Variants in ARSF observed in about 807,000 individuals in gnomAD.
The protein encoded by ARSF is arylsulfatase F.
In ARSF, 33 loss-of-function variants were observed where a neutral mutation model predicts 35.4. The observed-to-expected ratio is 0.93, with a 90% CI of 0.71 to 1.25. The LOEUF is 1.25. Among genes scored for constraint, ARSF ranks in the 50% most tolerant of loss-of-function variants. The pLI is 0.00. For missense variants in ARSF, 501 were observed against 480.2 expected (o/e 1.04, Z -0.40); for synonymous variants, 222 against 193.1 (o/e 1.15, Z -1.24).
chrX:3,112,545 G>C lies in ARSF; in HGVS notation c.1762G>C (p.Glu588Gln). ...AGTCTCTCAGCCTCGGGGTCCTAACGAGAAGAGATAATTACAATCAGGCTA... is the reference window on the plus strand; with the variant it reads ...AGTCTCTCAGCCTCGGGGTCCTAACCAGAAGAGATAATTACAATCAGGCTA... ...EEVSQPRGPN[E>Q]KR Residue 588 changes from glutamate (E) to glutamine (Q), a missense_variant, in exon 11 of 11, where the codon GAG becomes CAG. Physicochemically the swap from Glu to Gln is conservative, Grantham distance 29. Transcript: ENST00000381127. 2 of 1,201,799 alleles carry C rather than the reference G, an allele frequency of 1.7e-6. No homozygotes were observed. Among genetic ancestry groups the C allele is most frequent in the Non-Finnish European group, 2.2e-6 (2 of 892,041 alleles).
chrX:3,107,061 C>T (rs1011372985), intron 9 of ARSF, among the ~76,000 whole-genome samples: 17 of 111,573 alleles, frequency 1.5e-4, no homozygotes, highest in African/African-American at 5.5e-4. Flanking sequence ...ATGTAAATGC[C>T]ACATAAAATA....
chrX:3,088,564 CTT>C (rs34488601), intron 6 of ARSF, among the ~76,000 whole-genome samples: 355 of 96,776 alleles, frequency 3.7e-3, no homozygotes, highest in South Asian at 0.01. Context: ...TCAAATCCAT[CTT>C]TTTTTTTTTT....
At chrX:3,088,834 T>C (rs57742822) in intron 6 of ARSF, among the ~76,000 whole-genome samples, 2 of 111,581 alleles carry the variant, frequency 1.8e-5, no homozygotes, top group African/African-American at 6.5e-5. Context: ...GTGGTGTGAT[T>C]ATAGGCGTGA....
chrX:3,110,802 G>A (rs2090439808), intron 10 of ARSF, among the ~76,000 whole-genome samples: 1 of 111,714 alleles, frequency 9.0e-6, no homozygotes, highest in Non-Finnish European at 1.9e-5. Context: ...GGAGGCTGAG[G>A]CGGTAGAATC....
chrX:3,068,445 G>T (rs2090081288), intron 2 of ARSF, among the ~76,000 whole-genome samples: 1 of 111,202 alleles, frequency 9.0e-6, no homozygotes, highest in African/African-American at 3.3e-5. Flanking sequence ...GGTTTCACAG[G>T]GTTTTGCTCT....
intron 3 of ARSF, 87 bp from the exon 4 acceptor site, chrX:3,076,459 TTC>T: frequency 1.9e-6 from 2 of 1,035,596 alleles, no homozygotes. Context: ...CTGTTTGTCC[TTC>T]TCTGTCTTCC....
intron 7 of ARSF, among the ~76,000 whole-genome samples, chrX:3,093,082 C>T (rs764093949): frequency 9.0e-5 from 10 of 110,514 alleles, no homozygotes; most frequent in South Asian, 3.9e-4. Context: ...AGGAGAATGG[C>T]GTGAACCTGG....
At chrX:3,079,405 G>T (rs1266228035) in intron 4 of ARSF, among the ~76,000 whole-genome samples, 1 of 103,861 alleles carries the variant, frequency 9.6e-6, no homozygotes, top group Non-Finnish European at 2.0e-5. Context: ...GAGTGCAATG[G>T]CGCAATCTCG....
chrX:3,047,183 AT>A (rs375167618), intron 1 of ARSF, among the ~76,000 whole-genome samples: 3,652 of 103,260 alleles, frequency 0.035, 169 homozygotes, highest in African/African-American at 0.12. Context: ...AGTATGTTTA[AT>A]TTTTTTTTTT....
chrX:3,051,070 C>A (rs2089995495), intron 1 of ARSF, among the ~76,000 whole-genome samples: 1 of 111,261 alleles, frequency 9.0e-6, no homozygotes, highest in South Asian at 3.8e-4. Context: ...CCTGGTGGGG[C>A]TGGGGAGAGC....
At chrX:3,075,546 CTCTA>C (rs1486305849) in intron 3 of ARSF, among the ~76,000 whole-genome samples, 2 of 107,617 alleles carry the variant, frequency 1.9e-5, no homozygotes, top group Middle Eastern at 4.9e-3. Flanking sequence ...CTGCCTGTCT[CTCTA>C]TCTCTCTCTC....
chrX:3,102,042 A>C (rs1385210203), intron 8 of ARSF, among the ~76,000 whole-genome samples: 2 of 111,494 alleles, frequency 1.8e-5, no homozygotes, highest in Non-Finnish European at 3.8e-5. Flanking sequence ...AGAGGGTATG[A>C]ATGTGTACTC....
At chrX:3,106,603 A>G (rs1165883481) in intron 9 of ARSF, among the ~76,000 whole-genome samples, 1 of 112,036 alleles carries the variant, frequency 8.9e-6, no homozygotes, top group East Asian at 2.8e-4. Context: ...GGCTGCTAAT[A>G]CTGTAAAAGC....
intron 7 of ARSF, among the ~76,000 whole-genome samples, chrX:3,092,409 G>T (rs1173946205): frequency 9.0e-6 from 1 of 111,652 alleles, no homozygotes; most frequent in Non-Finnish European, 1.9e-5. Context: ...ATTACTATTT[G>T]CTTTAAAAAT....
intron 1 of ARSF, among the ~76,000 whole-genome samples, chrX:3,063,657 A>G (rs1291383309): frequency 9.0e-6 from 1 of 111,726 alleles, no homozygotes; most frequent in Non-Finnish European, 1.9e-5. Flanking sequence ...CCTGTACACC[A>G]ATAACAGACA....
chrX:3,083,927 CT>C (rs1274328289), intron 5 of ARSF, among the ~76,000 whole-genome samples: 1 of 111,744 alleles, frequency 8.9e-6, no homozygotes, highest in Admixed American at 9.6e-5. Flanking sequence ...ATGACTTTGT[CT>C]TCTCAGTGAA....
chrX:3,098,333 G>A (rs189114163), intron 7 of ARSF, among the ~76,000 whole-genome samples: 5 of 106,331 alleles, frequency 4.7e-5, no homozygotes, highest in African/African-American at 1.4e-4. Flanking sequence ...GTTGAAAACC[G>A]TTCATACAAT....
At chrX:3,060,762 GAA>G (rs1169656134) in intron 1 of ARSF, among the ~76,000 whole-genome samples, 1 of 111,297 alleles carries the variant, frequency 9.0e-6, no homozygotes, top group Admixed American at 9.6e-5. Flanking sequence ...GAAGTTTAGA[GAA>G]AAAAGAGTAA....
chrX:3,086,432 G>A (rs2090248703), intron 6 of ARSF, among the ~76,000 whole-genome samples: 1 of 112,241 alleles, frequency 8.9e-6, no homozygotes, highest in South Asian at 3.7e-4. Flanking sequence ...CTTGGACGTT[G>A]TGACAATAAG....
Sources: gnomAD v4.1 joint callset for allele counts (sites outside exome capture counted in the v4.1 genomes callset) on GRCh38, gnomAD v4.1.1 for gene constraint, MANE v1.5 for transcripts, NCBI Gene and HGNC (gene_info 2026-07-23, HGNC 2026-07-21) for gene names.